The following NR5A2 variants were observed in gnomAD, a reference collection of about 807,000 sequenced individuals.
NR5A2 encodes the protein nuclear receptor subfamily 5 group A member 2.
In NR5A2, 26 loss-of-function variants were observed where a neutral mutation model predicts 62.7. The ratio of observed to expected loss-of-function variants is 0.41; its 90% CI spans 0.30 to 0.58. The LOEUF is 0.58. Among genes scored for constraint, NR5A2 ranks in the 20% least tolerant of loss-of-function variants. The probability of loss-of-function intolerance (pLI) is 0.22; values close to 1 mark genes in which losing one functional copy is unlikely to be tolerated. For missense variants in NR5A2, 541 were observed against 669.1 expected (o/e 0.81, Z 2.11); for synonymous variants, 246 against 241.7 (o/e 1.02, Z -0.16).
intron 6 of NR5A2, among the ~76,000 whole-genome samples, chr1:200,113,407 G>A (rs1182841643): frequency 6.6e-6 from 1 of 152,110 alleles, no homozygotes; most frequent in Non-Finnish European, 1.5e-5. Flanking sequence ...TGGTAGACAT[G>A]TTTATTTTCT....
chr1:200,048,270 G>A lies in NR5A2; in HGVS notation c.562G>A (p.Ala188Thr). 6.2e-7 allele frequency: 1 copy of A among 1,614,082 alleles called. No homozygotes were observed. Among genetic ancestry groups the A allele is most frequent in the East Asian group, 2.2e-5 (1 of 44,862 alleles). Residue 188 changes from alanine to threonine, a missense_variant, in exon 5 of 8, where the codon GCC becomes ACC. By Grantham distance (58) the Ala-to-Thr change is moderately conservative (BLOSUM62 0). Transcript: ENST00000367362. The surrounding 1 kb of genome is among the most constrained non-coding windows in gnomAD (Gnocchi z 4.8). Reference sequence around the variant, plus strand: ...GCAACAGAAAAAAGCCCTCATCCGAGCCAATGGACTTAAGCTAGAAGCCAT... The same window carrying A: ...GCAACAGAAAAAAGCCCTCATCCGAACCAATGGACTTAAGCTAGAAGCCAT... ...LKQQKKALIR[A>T]NGLKLEAMSQ...
intron 7 of NR5A2, among the ~76,000 whole-genome samples, chr1:200,132,306 G>A (rs992394901): frequency 2.6e-5 from 4 of 152,088 alleles, no homozygotes; most frequent in Admixed American, 6.6e-5. Context: ...CAATGTGCCC[G>A]GCAAGAACTG....
At chr1:200,073,927 A>G (rs970519984) in intron 5 of NR5A2, among the ~76,000 whole-genome samples, 6 of 152,184 alleles carry the variant, frequency 3.9e-5, no homozygotes, top group African/African-American at 1.2e-4. Context: ...CAGAGACGAT[A>G]GCTGTTATAA....
chr1:200,035,990 A>G (rs1437505765), intron 1 of NR5A2, among the ~76,000 whole-genome samples: 3 of 152,140 alleles, frequency 2.0e-5, no homozygotes, highest in South Asian at 2.1e-4. Context: ...CAATTCCCGC[A>G]GCGGTAAGTA....
intron 5 of NR5A2, among the ~76,000 whole-genome samples, chr1:200,099,134 G>T (rs768267568): frequency 6.6e-6 from 1 of 152,182 alleles, no homozygotes; most frequent in Non-Finnish European, 1.5e-5. Context: ...GAACTGAGCA[G>T]AGGAATTCTC....
intron 5 of NR5A2, among the ~76,000 whole-genome samples, chr1:200,087,268 C>A (rs966507666): frequency 6.7e-6 from 1 of 148,770 alleles, no homozygotes; most frequent in African/African-American, 2.5e-5. Flanking sequence ...ACACACACAC[C>A]CTTCCTCTTA....
intron 1 of NR5A2, among the ~76,000 whole-genome samples, chr1:200,034,797 T>TTTTTTTTTTTTTTTTTTTTTG: frequency 8.5e-6 from 1 of 117,530 alleles, no homozygotes; most frequent in African/African-American, 3.9e-5. Context: ...TTTTTTTTTT[T>TTTTTTTTTTTTTTTTTTTTTG]TTTTTTTTTT....
chr1:200,049,012 T>C (rs929246836), intron 5 of NR5A2, among the ~76,000 whole-genome samples, 194 bp downstream of exon 5: 1 of 152,196 alleles, frequency 6.6e-6, no homozygotes, highest in Admixed American at 6.5e-5. Flanking sequence ...TTTGATTTTG[T>C]GTAGCTCTTA....
chr1:200,116,575 C>T (rs150758096), intron 6 of NR5A2, among the ~76,000 whole-genome samples: 1,797 of 152,302 alleles, frequency 0.012, 11 homozygotes, highest in African/African-American at 0.023. Flanking sequence ...CAGCCCAGGA[C>T]ACCAGTACAT....
At chr1:200,069,400 A>G (rs1663637073) in intron 5 of NR5A2, among the ~76,000 whole-genome samples, 1 of 152,136 alleles carries the variant, frequency 6.6e-6, no homozygotes, top group South Asian at 2.1e-4. Context: ...AACACGGATT[A>G]TAGGCATGCA....
intron 5 of NR5A2, among the ~76,000 whole-genome samples, chr1:200,100,576 T>A (rs1665319530): frequency 6.6e-6 from 1 of 152,224 alleles, no homozygotes; most frequent in Admixed American, 6.5e-5. Flanking sequence ...TGTCTTGGTT[T>A]ATCTTTGTAA....
chr1:200,142,138 T>C (rs1408651867), intron 7 of NR5A2, among the ~76,000 whole-genome samples: 2 of 150,684 alleles, frequency 1.3e-5, no homozygotes, highest in Non-Finnish European at 3.0e-5. Context: ...GTCTAGCACA[T>C]ATACCATCAA....
rs1232926998 is a variant in NR5A2, at chr1:200,089,955, G to T, written c.1111-21247G>T. Among the ~76,000 whole-genome samples the T allele has an allele frequency of 3.3e-5, 5 of 152,188 alleles. No homozygotes were observed. The East Asian group carries it at 9.6e-4, about 29-fold the overall frequency. On this transcript the variant is annotated intron_variant, in intron 5 of 7. Transcript: ENST00000367362. ...CTCACCTGCCAAACTCAAAGCCATT[G>T]ATTTGACTAGTCTAAATGTAGGCCT...
At position 200,027,872 on chromosome 1, in the gene NR5A2, G is replaced by C. The variant is rs894436987; in HGVS notation, c.25G>C (p.Asp9His). 1.2e-6 allele frequency: 2 copies of C among 1,605,888 alleles called. No individual in the cohort carries two copies. Among genetic ancestry groups the C allele is most frequent in the Admixed American group, 3.4e-5 (2 of 58,918 alleles). MSSNSDTG[D>H]LQESLKHGLT... ...AATGTCTTCTAATTCAGATACTGGG[G>C]ATTTACAAGAGTCTTTAAAGCACGG... Residue 9 changes from aspartate (D) to histidine (H), a missense_variant, in exon 1 of 8, where the codon GAT becomes CAT. By Grantham distance (81) the Asp-to-His change is moderately conservative (BLOSUM62 -1). Coordinates refer to ENST00000367362, the MANE Select transcript of NR5A2 (RefSeq NM_205860.3).
chr1:200,141,833 A>C (rs1202402065), intron 7 of NR5A2, among the ~76,000 whole-genome samples: 4 of 152,164 alleles, frequency 2.6e-5, no homozygotes, highest in African/African-American at 9.7e-5. Flanking sequence ...AGTCTTTTGG[A>C]AGTCTACTGT....
In NR5A2 at chr1:200,144,214, T is replaced by TTCTC. The variant is rs143043558; in HGVS notation, c.1378+23276_1378+23279dup. 5.8e-4 allele frequency among the ~76,000 whole-genome samples: 79 copies of TTCTC among 135,464 alleles called. 1 individual carries two copies. Among genetic ancestry groups the TTCTC allele is most frequent in the African/African-American group, 2.2e-3 (76 of 34,434 alleles). 88.9% of individuals were successfully genotyped at this position (135,464 alleles called of 152,430 possible). On this transcript the variant is annotated intron_variant, in intron 7 of 7. Transcript: ENST00000367362. ...ACCGCCACCATCATCCCAGCACTGT[T>TTCTC]TCTCTCTCTCTCTCTCTCTCACACA...
chr1:200,043,402 G>A (rs1189245488), intron 2 of NR5A2, among the ~76,000 whole-genome samples: 1 of 152,186 alleles, frequency 6.6e-6, no homozygotes, highest in Non-Finnish European at 1.5e-5. Context: ...CTTAGGCGAA[G>A]GTGACATTTT....
At chr1:200,130,148 A>G (rs1666902579) in intron 7 of NR5A2, among the ~76,000 whole-genome samples, 1 of 152,228 alleles carries the variant, frequency 6.6e-6, no homozygotes, top group Admixed American at 6.5e-5. Flanking sequence ...GAGAGCACAA[A>G]TCTATTAATA....
rs199871331 is a variant in NR5A2 at position 200,120,931 on chromosome 1, A to G, written c.1354A>G (p.Lys452Glu). ...TGATCAACGAGAGTTCGTATGTCTG[A>G]AATTCTTGGTGCTCTTTAGTTTAGG... is the stretch of plus-strand genomic sequence containing the variant. ...QFDQREFVCLKFLVLFSLDVK... is the reference protein window; with the variant it reads ...QFDQREFVCLEFLVLFSLDVK... Residue 452 changes from lysine to glutamate, a missense_variant, in exon 7 of 8, where the codon AAA (lysine) becomes GAA (glutamate). Transcript: ENST00000367362. 6.2e-7 allele frequency: 1 copy of G among 1,613,966 alleles called. No homozygotes were observed. The highest frequency in any genetic ancestry group is 8.5e-7 in the Non-Finnish European group (1 of 1,179,944).
Sources: allele counts gnomAD v4.1 joint callset (sites outside exome capture counted in the v4.1 genomes callset), GRCh38; gene constraint gnomAD v4.1.1; non-coding constraint Gnocchi (gnomAD v3.1); transcripts MANE v1.5; gene names NCBI Gene and HGNC (gene_info 2026-07-23, HGNC 2026-07-21).